SORCS3: variants seen among roughly 807,000 people sequenced by gnomAD.
SORCS3 encodes sortilin related VPS10 domain containing receptor 3.
SORCS3 carries 57 observed loss-of-function variants against 146.3 expected under a neutral mutation model. That is an observed-to-expected ratio of 0.39 (90% CI 0.31 to 0.49). The LOEUF is 0.49. Among genes scored for constraint, SORCS3 ranks in the 20% least tolerant of loss-of-function variants. The probability of loss-of-function intolerance (pLI) is 0.92; values close to 1 mark genes in which losing one functional copy is unlikely to be tolerated. For missense variants in SORCS3, 1,341 were observed against 1,575.5 expected (o/e 0.85, Z 2.52); for synonymous variants, 653 against 618.5 (o/e 1.06, Z -0.83).
At chr10:104,794,608 A>C (rs2017530588) in intron 1 of SORCS3, among the ~76,000 whole-genome samples, 1 of 99,534 alleles carries the variant, frequency 1.0e-5, no homozygotes, top group Admixed American at 1.1e-4. Flanking sequence ...TGTGTGTGAG[A>C]GAGAGAGAGG....
intron 20 of SORCS3, among the ~76,000 whole-genome samples, chr10:105,233,004 T>C (rs1327338059): frequency 6.6e-6 from 1 of 152,144 alleles, no homozygotes; most frequent in Non-Finnish European, 1.5e-5. Context: ...TGCTGTTGTC[T>C]GATAAAGTAA....
At chr10:104,746,332 T>G (rs1824816806) in intron 1 of SORCS3, among the ~76,000 whole-genome samples, 2 of 152,102 alleles carry the variant, frequency 1.3e-5, no homozygotes, top group South Asian at 4.1e-4. Flanking sequence ...GAGACGGGGT[T>G]TCACCATGTT....
intron 7 of SORCS3, among the ~76,000 whole-genome samples, chr10:105,109,350 T>C (rs1234516601): frequency 6.6e-6 from 1 of 152,160 alleles, no homozygotes; most frequent in Non-Finnish European, 1.5e-5. Flanking sequence ...TCAGATTCCT[T>C]TTTCCAACCC....
chr10:105,067,802 G>C (rs1168876837), intron 5 of SORCS3, among the ~76,000 whole-genome samples: 1 of 152,006 alleles, frequency 6.6e-6, no homozygotes, highest in Admixed American at 6.6e-5. Context: ...ACTTCCTTCA[G>C]GAGTCTTTGT....
At chr10:105,223,954 C>T (rs2056719257) in intron 20 of SORCS3, among the ~76,000 whole-genome samples, 1 of 152,206 alleles carries the variant, frequency 6.6e-6, no homozygotes, top group Non-Finnish European at 1.5e-5. Context: ...TGTAAGTTCA[C>T]AGCAAAATCA....
chr10:104,695,678 C>G (rs1016332077), intron 1 of SORCS3, among the ~76,000 whole-genome samples: 28 of 151,564 alleles, frequency 1.8e-4, no homozygotes, highest in Middle Eastern at 3.2e-3. Context: ...TACATATTAT[C>G]TTTTTGAAAA....
Position 104,659,799 on chromosome 10 carries a change from A to G in SORCS3, c.627+17845A>G, listed in dbSNP as rs571116984. Among the ~76,000 whole-genome samples the G allele has an allele frequency of 5.9e-5, 9 of 152,340 alleles. No individual in the cohort carries two copies. The South Asian group carries it at 1.9e-3, about 32-fold the overall frequency. ...TAGGAAATGGTTATTGTTAGATAAG[A>G]GGTCCTGGAGATTAGCTTGATCTCC... is the stretch of plus-strand genomic sequence containing the variant. On this transcript the variant is annotated intron_variant, in intron 1 of 26. Transcript: ENST00000369701.
intron 6 of SORCS3, among the ~76,000 whole-genome samples, chr10:105,097,382 T>C (rs1247363167): frequency 6.6e-6 from 1 of 152,196 alleles, no homozygotes; most frequent in Non-Finnish European, 1.5e-5. Context: ...TTTCCTCCCA[T>C]TCGCTTCTGG....
chr10:105,219,332 CAT>C (rs1488395576), intron 19 of SORCS3, among the ~76,000 whole-genome samples: 1 of 152,192 alleles, frequency 6.6e-6, no homozygotes, highest in Non-Finnish European at 1.5e-5. Context: ...TGAGTTGTAA[CAT>C]GTATAAAAAG....
intron 2 of SORCS3, among the ~76,000 whole-genome samples, chr10:104,864,200 T>G (rs1334456192): frequency 6.6e-6 from 1 of 152,214 alleles, no homozygotes; most frequent in East Asian, 1.9e-4. Context: ...CTTTGCTATC[T>G]TGCCCAGAGG....
At chr10:105,070,845 C>T (rs73344339) in intron 5 of SORCS3, among the ~76,000 whole-genome samples, 7,109 of 152,284 alleles carry the variant, frequency 0.047, 188 homozygotes, top group Middle Eastern at 0.075. Context: ...TCATTCTCAG[C>T]AAGTGAACAA....
intron 2 of SORCS3, among the ~76,000 whole-genome samples, chr10:104,880,192 G>A (rs2018617239): frequency 1.3e-5 from 2 of 152,072 alleles, no homozygotes. Context: ...TGGCATAAAT[G>A]AACCAATGAC....
chr10:105,100,092 A>G (rs2055773005), intron 6 of SORCS3, among the ~76,000 whole-genome samples: 1 of 152,190 alleles, frequency 6.6e-6, no homozygotes, highest in Admixed American at 6.5e-5. Context: ...AAATGATGTT[A>G]CAATGCTCCC....
At chr10:105,094,581 C>T (rs2055732800) in intron 6 of SORCS3, among the ~76,000 whole-genome samples, 2 of 152,164 alleles carry the variant, frequency 1.3e-5, no homozygotes, top group South Asian at 2.1e-4. Flanking sequence ...CATCAAGGAG[C>T]TTCTAGACTT....
chr10:104,852,036 A>G (rs182650736), intron 2 of SORCS3, among the ~76,000 whole-genome samples: 67 of 152,348 alleles, frequency 4.4e-4, no homozygotes, highest in African/African-American at 1.5e-3. Context: ...TTTGTGCCCA[A>G]GTTAAAGCTA....
At chr10:105,262,664 T>C (rs779603097) in intron 26 of SORCS3, among the ~76,000 whole-genome samples, 173 bp downstream of exon 26, 4 of 152,210 alleles carry the variant, frequency 2.6e-5, no homozygotes, top group Non-Finnish European at 5.9e-5. Context: ...AATTGGCAGA[T>C]ATTTTTCCCC....
intron 4 of SORCS3, among the ~76,000 whole-genome samples, chr10:105,005,111 G>A (rs77115934): frequency 0.064 from 9,678 of 152,186 alleles, 328 homozygotes; most frequent in Middle Eastern, 0.079. Context: ...AATACCACAA[G>A]ATTGCTAATT....
chr10:105,263,400 C>T lies in SORCS3; in HGVS notation c.*26C>T, dbSNP rs375581126. 829 of 1,607,730 alleles carry T rather than the reference C, an allele frequency of 5.2e-4. 8 individuals carry two copies. The South Asian group carries it at 6.8e-3, about 13-fold the overall frequency. The stretch of plus-strand genomic sequence containing the variant: ...TACCAGCAAGCCACGTGGTCAACCA[C>T]CTTTCTGACTTTTTATTTTTGATGA... On this transcript the variant is annotated 3_prime_UTR_variant, in exon 27 of 27. Transcript: ENST00000369701.
intron 1 of SORCS3, chr10:104,665,971 T>C (rs1451676272): frequency 3.3e-5 from 5 of 152,358 alleles, no homozygotes; most frequent in Middle Eastern, 6.8e-3. Flanking sequence ...TGGGTTTTCC[T>C]ACACCAAAAG....
Sources: gnomAD v4.1 joint callset for allele counts (sites outside exome capture counted in the v4.1 genomes callset) on GRCh38, gnomAD v4.1.1 for gene constraint, MANE v1.5 for transcripts, NCBI Gene and HGNC (gene_info 2026-07-23, HGNC 2026-07-21) for gene names.